Variants in RPGR observed in about 807,000 individuals in gnomAD.
The protein encoded by RPGR is X-linked retinitis pigmentosa GTPase regulator.
A neutral mutation model predicts 56.3 loss-of-function variants in RPGR; 10 were observed. The observed-to-expected ratio is 0.18, with a 90% CI of 0.11 to 0.30. The LOEUF (loss-of-function observed/expected upper bound fraction) is 0.30. RPGR is among the 10% of genes least tolerant of loss of function. RPGR has a pLI of 1.00. For missense variants in RPGR, 538 were observed against 590.9 expected (o/e 0.91, Z 0.93); for synonymous variants, 197 against 212.9 (o/e 0.93, Z 0.65).
At position 38,321,582 on chromosome X, in the gene RPGR, C is replaced by A. The variant is rs762760050; in HGVS notation, c.248-493G>T. Among the ~76,000 whole-genome samples, 3 of 109,492 alleles carry A rather than the reference C, an allele frequency of 2.7e-5. No homozygotes were observed. The East Asian group carries it at 8.6e-4, about 31-fold the overall frequency. On this transcript the variant is annotated intron_variant, in intron 3 of 18. Transcript: ENST00000642395. ...TGCTGAGGTGGGAGAATGGCTGGAGCCCAGGAGGTCGAGGCTGCAGTAAGC... is the reference window on the plus strand; with the variant it reads ...TGCTGAGGTGGGAGAATGGCTGGAGACCAGGAGGTCGAGGCTGCAGTAAGC...
Position 38,318,832 on chromosome X carries a change from T to A in RPGR, c.466A>T (p.Thr156Ser), listed in dbSNP as rs1315339022. The change falls in exon 5 of 19, where the codon ACT (threonine) becomes TCT (serine). Residue 156 changes from threonine to serine, a missense_variant. Coordinates refer to ENST00000642395, the MANE Select transcript of RPGR (RefSeq NM_000328.3). The stretch of plus-strand genomic sequence containing the variant: ...CTGAAAAAGAAACAAGTCTCACCAG[T>A]TAGGGCAGCTGAAGTATTAGATCCA... The A allele has an allele frequency of 8.3e-7, 1 of 1,211,502 alleles. No individual in the cohort carries two copies. The highest frequency in any genetic ancestry group is 1.1e-6 in the Non-Finnish European group (1 of 895,221).
rs1270310121 is a variant in RPGR, at chrX:38,297,249, T to C, written c.1414+35A>G. ...AAAAACTACAGGAATAAAAGGCACA[T>C]TTATCCTGAGAGCAGACAGAGTAGC... On this transcript the variant is annotated intron_variant, in intron 11 of 18. Transcript: ENST00000642395. 5 of 1,192,003 alleles carry C rather than the reference T, an allele frequency of 4.2e-6. No individual in the cohort carries two copies. The Admixed American group carries it at 1.1e-4, about 26-fold the overall frequency.
At chrX:38,315,351 G>A (rs936758958) in intron 6 of RPGR, among the ~76,000 whole-genome samples, 1 of 111,058 alleles carries the variant, frequency 9.0e-6, no homozygotes, top group African/African-American at 3.3e-5. Flanking sequence ...GAAAAAATGT[G>A]GTACTTATGC....
At chrX:38,311,689 G>A (rs916903708) in intron 6 of RPGR, among the ~76,000 whole-genome samples, 4 of 111,562 alleles carry the variant, frequency 3.6e-5, no homozygotes, top group African/African-American at 1.3e-4. Flanking sequence ...GTTTGTCAGG[G>A]CTGCTTGCAC....
chrX:38,315,831 A>ATG (rs2067813830), intron 6 of RPGR, among the ~76,000 whole-genome samples: 2 of 89,662 alleles, frequency 2.2e-5, no homozygotes, highest in African/African-American at 9.9e-5. Context: ...ATATATATAT[A>ATG]TATATATAGA....
chrX:38,325,766 T>G (rs2147297909), intron 1 of RPGR: 1 of 111,754 alleles, frequency 8.9e-6, no homozygotes, highest in South Asian at 3.7e-4. Context: ...TTACATCAAG[T>G]CATTACCTGA....
chrX:38,317,543 CA>C, intron 5 of RPGR, 78 bp from the exon 6 acceptor site: 1 of 885,793 alleles, frequency 1.1e-6, no homozygotes, highest in South Asian at 2.4e-5. Context: ...TCCAAAAGAC[CA>C]TTTATTTTAT....
intron 10 of RPGR, among the ~76,000 whole-genome samples, chrX:38,298,675 T>C (rs1461767450): frequency 2.7e-5 from 3 of 111,867 alleles, no homozygotes; most frequent in Non-Finnish European, 5.6e-5. Context: ...TGTGAGGTGA[T>C]AAAATAGGAC....
rs758650008 is a variant in RPGR, at chrX:38,309,836, AAC to A, written c.778+777_778+778del. On this transcript the variant is annotated intron_variant, in intron 7 of 18. Coordinates refer to ENST00000642395, the MANE Select transcript of RPGR (RefSeq NM_000328.3). ...AGAGCGAAACTCCGTCTCAAAAAAA[AAC>A]AGTTAAGGTCATGAAAATGTAAATT... Among the ~76,000 whole-genome samples, 1,100 of 112,096 alleles carry A rather than the reference AAC, an allele frequency of 9.8e-3. 12 individuals are homozygous for A. Among genetic ancestry groups the A allele is most frequent in the African/African-American group, 0.034 (1,059 of 30,888 alleles).
chrX:38,292,864 G>T (rs1010612898), intron 11 of RPGR, among the ~76,000 whole-genome samples: 3 of 111,455 alleles, frequency 2.7e-5, no homozygotes. Context: ...GGCAGAGATG[G>T]AGGTGTAAGG....
Position 38,269,662 on chromosome X carries a change from ATTTG to A in RPGR, c.2408_2411del (p.Thr803IlefsTer26), listed in dbSNP as rs1421902681. 8.3e-7 allele frequency: 1 copy of A among 1,207,503 alleles called. No homozygotes were observed. Among genetic ancestry groups the A allele is most frequent in the Admixed American group, 2.2e-5 (1 of 46,047 alleles). On this transcript the variant is annotated frameshift_variant, in exon 19 of 19. Coordinates refer to ENST00000642395, the MANE Select transcript of RPGR (RefSeq NM_000328.3). LOFTEE classifies it high-confidence loss of function. ...TACAGGATTTTGATCTTCTCTCTGT[ATTTG>A]TTGGTGGGATATTCTGATGATTCTG...
chrX:38,309,109 A>C (rs1054925667), intron 7 of RPGR, among the ~76,000 whole-genome samples: 1 of 112,082 alleles, frequency 8.9e-6, no homozygotes, highest in Non-Finnish European at 1.9e-5. Flanking sequence ...AAATAAATCT[A>C]ATGTTGAAAA....
intron 11 of RPGR, among the ~76,000 whole-genome samples, chrX:38,292,788 T>C (rs1416839278): frequency 2.7e-5 from 3 of 111,604 alleles, no homozygotes; most frequent in African/African-American, 9.8e-5. Flanking sequence ...CATCCGTATG[T>C]TGGCAATCAG....
intron 15 of RPGR, chrX:38,276,903 G>A (rs1032272994): frequency 5.6e-5 from 31 of 551,000 alleles, no homozygotes; most frequent in East Asian, 2.2e-4. Context: ...TATTGAAGCC[G>A]AAGAAAAAAA....
At chrX:38,273,371 A>G (rs754538599) in intron 18 of RPGR, 4 of 1,148,506 alleles carry the variant, frequency 3.5e-6, no homozygotes, top group Admixed American at 2.2e-5. Flanking sequence ...AAAAAAGACA[A>G]TTCATTTCAC....
intron 7 of RPGR, among the ~76,000 whole-genome samples, chrX:38,307,457 T>G (rs750313156): frequency 2.7e-5 from 3 of 112,766 alleles, no homozygotes; most frequent in African/African-American, 9.7e-5. Context: ...CTCTAATAGA[T>G]TTTTAAGATA....
chrX:38,270,782 C>T (rs1253667782), intron 18 of RPGR, among the ~76,000 whole-genome samples: 1 of 110,046 alleles, frequency 9.1e-6, no homozygotes, highest in Non-Finnish European at 1.9e-5. Flanking sequence ...GAAAGTAGCC[C>T]CGATAACCCA....
chrX:38,320,234 G>C (rs1472864227), intron 4 of RPGR, among the ~76,000 whole-genome samples: 1 of 99,182 alleles, frequency 1.0e-5, no homozygotes, highest in South Asian at 6.2e-4. Flanking sequence ...AGCTGAGGCA[G>C]TGAAAACATC....
chrX:38,286,639 C>T, intron 15 of RPGR: 1 of 1,126,056 alleles, frequency 8.9e-7, no homozygotes, highest in Non-Finnish European at 1.2e-6. Flanking sequence ...TTCTTCCTCT[C>T]CTTTCTCCTC....
Sources: allele counts gnomAD v4.1 joint callset (sites outside exome capture counted in the v4.1 genomes callset), GRCh38; gene constraint gnomAD v4.1.1; transcripts MANE v1.5; gene names NCBI Gene and HGNC (gene_info 2026-07-23, HGNC 2026-07-21).